Variants in CGNL1 observed in about 807,000 individuals in gnomAD.
CGNL1 encodes the protein cingulin-like protein 1.
A neutral mutation model predicts 141.2 loss-of-function variants in CGNL1; 132 were observed. That is an observed-to-expected ratio of 0.93 (90% confidence interval 0.81 to 1.08). CGNL1 has a LOEUF of 1.08. Ranked by LOEUF, CGNL1 falls within the 50% of genes least tolerant of loss-of-function variation. The pLI is 0.00. For missense variants in CGNL1, 1,870 were observed against 1,588.6 expected (o/e 1.18, Z -3.01); for synonymous variants, 690 against 622.1 (o/e 1.11, Z -1.63).
At chr15:57,524,893 T>C in intron 12 of CGNL1, 142 bp downstream of exon 12, 1 of 829,770 alleles carries the variant, frequency 1.2e-6, no homozygotes, top group South Asian at 1.8e-5. Context: ...TCTGGATGGG[T>C]TCCGTGGGCA....
At chr15:57,442,624 T>C (rs954969380) in intron 4 of CGNL1, 146 bp downstream of exon 4, 1 of 538,404 alleles carries the variant, frequency 1.9e-6, no homozygotes, top group Admixed American at 3.2e-5. Flanking sequence ...TTTTACATGT[T>C]GCAGCAACAT....
intron 1 of CGNL1, among the ~76,000 whole-genome samples, chr15:57,394,452 A>G (rs539871994): frequency 6.6e-6 from 1 of 152,234 alleles, no homozygotes; most frequent in African/African-American, 2.4e-5. Context: ...AACGCTATTG[A>G]TTCCATTTTT....
intron 1 of CGNL1, among the ~76,000 whole-genome samples, chr15:57,409,037 T>TCACACACACACACACACACACACACA (rs59988268): frequency 7.1e-6 from 1 of 141,736 alleles, no homozygotes; most frequent in Non-Finnish European, 1.5e-5. Flanking sequence ...TGAGACTCTG[T>TCACACACACACACACACACACACACA]CACACACACA....
Position 57,417,326 on chromosome 15 carries a change from T to C in CGNL1, c.-15-20659T>C, listed in dbSNP as rs527629183. Reference sequence around the variant, plus strand: ...TTAGCTCACTGCAGCCTCCATCTCCTGGGTTCAAGCAATTCTCATGCCTCA... The same window carrying C: ...TTAGCTCACTGCAGCCTCCATCTCCCGGGTTCAAGCAATTCTCATGCCTCA... On this transcript the variant is annotated intron_variant, in intron 1 of 18. Transcript: ENST00000281282. Among the ~76,000 whole-genome samples, 6 of 152,322 alleles carry C rather than the reference T, an allele frequency of 3.9e-5. No homozygotes were observed. In the South Asian group the frequency reaches 1.2e-3, roughly 32 times the overall value.
intron 4 of CGNL1, among the ~76,000 whole-genome samples, chr15:57,446,486 C>A (rs2063253482): frequency 1.3e-5 from 2 of 151,936 alleles, no homozygotes; most frequent in African/African-American, 4.8e-5. Flanking sequence ...AATAAGTATT[C>A]TCGTGTGTCC....
At chr15:57,460,705 G>A (rs1024943210) in intron 7 of CGNL1, among the ~76,000 whole-genome samples, 54 of 152,128 alleles carry the variant, frequency 3.5e-4, no homozygotes, top group African/African-American at 1.3e-3. Flanking sequence ...AGAGCAACAT[G>A]GGGAAAACTA....
In CGNL1 at chr15:57,547,425, A is replaced by G; in HGVS notation, c.3844A>G (p.Ser1282Gly). 6.2e-7 allele frequency: 1 copy of G among 1,614,190 alleles called. No individual in the cohort carries two copies. ...CGATGACCTCAGCACGGATGGGGGAAGCCTCTATGAGGCGCCTGTGAGCTA... is the reference window on the plus strand; with the variant it reads ...CGATGACCTCAGCACGGATGGGGGAGGCCTCTATGAGGCGCCTGTGAGCTA... ...DDDDLSTDGG[S>G]LYEAPVSYTF... is the part of the protein sequence containing the mutation. Residue 1282 changes from serine (S) to glycine (G), a missense_variant, in exon 19 of 19, where the codon AGC (serine) becomes GGC (glycine). Physicochemically the swap from Ser to Gly is moderately conservative, Grantham distance 56. Coordinates refer to ENST00000281282, the MANE Select transcript of CGNL1 (RefSeq NM_032866.5).
At chr15:57,435,287 G>A (rs1000007593) in intron 1 of CGNL1, among the ~76,000 whole-genome samples, 1 of 152,028 alleles carries the variant, frequency 6.6e-6, no homozygotes, top group Non-Finnish European at 1.5e-5. Flanking sequence ...CCAAGTGAGA[G>A]ACTTGTATGT....
chr15:57,427,443 G>A (rs2062988013), intron 1 of CGNL1, among the ~76,000 whole-genome samples: 1 of 152,170 alleles, frequency 6.6e-6, no homozygotes, highest in Non-Finnish European at 1.5e-5. Context: ...ATGAGACTGG[G>A]TTGGTTTGTG....
At chr15:57,415,209 C>T (rs2062835700) in intron 1 of CGNL1, among the ~76,000 whole-genome samples, 1 of 152,192 alleles carries the variant, frequency 6.6e-6, no homozygotes, top group South Asian at 2.1e-4. Flanking sequence ...AGTGTCTCTC[C>T]AAAGATGCCC....
intron 1 of CGNL1, among the ~76,000 whole-genome samples, chr15:57,384,402 G>A (rs2062459908): frequency 6.6e-6 from 1 of 152,132 alleles, no homozygotes; most frequent in African/African-American, 2.4e-5. Flanking sequence ...CATTTTACAG[G>A]CGATAGAAAC....
In CGNL1 at chr15:57,544,498, T is replaced by C. The variant is rs145843105; in HGVS notation, c.3401T>C (p.Ile1134Thr). The change falls in exon 16 of 19, where the codon ATC (isoleucine) becomes ACC (threonine). Residue 1134 changes from isoleucine (I) to threonine (T), a missense_variant. By Grantham distance (89) the Ile-to-Thr change is moderately conservative. Transcript: ENST00000281282. ...RQNKDLKSRI[I>T]HLEGSYRSSK... is the part of the protein sequence containing the mutation. ...AACAAGGACTTAAAGAGCCGGATTA[T>C]CCACCTGGAAGGTTCCTACAGGTCC... is the stretch of plus-strand genomic sequence containing the variant. 175 of 1,613,998 alleles carry C rather than the reference T, an allele frequency of 1.1e-4. No individual in the cohort carries two copies. The African/African-American group carries it at 1.9e-3, about 18-fold the overall frequency.
At position 57,547,820 on chromosome 15, in the gene CGNL1, C is replaced by G. The variant is rs2032948552; in HGVS notation, c.*330C>G. On this transcript the variant is annotated 3_prime_UTR_variant, in exon 19 of 19. Coordinates refer to ENST00000281282, the MANE Select transcript of CGNL1 (RefSeq NM_032866.5). ...CCCTGCCCCCTCATCACTCCCCCTG[C>G]CAAGACAAAGGGTCCAGAAGGCTAG... 1 of 275,286 alleles carries G rather than the reference C, an allele frequency of 3.6e-6. No homozygotes were observed. The highest frequency in any genetic ancestry group is 5.2e-5 in the Admixed American group (1 of 19,058). 17.1% of individuals were successfully genotyped at this position (275,286 alleles called of 1,614,324 possible).
chr15:57,433,061 A>G (rs907465), intron 1 of CGNL1, among the ~76,000 whole-genome samples: 82,235 of 150,968 alleles, frequency 0.54, 23,556 homozygotes, highest in Non-Finnish European at 0.65. Context: ...TTTTCTTACA[A>G]CACTTATTGG....
chr15:57,471,212 A>G (rs984989864), intron 8 of CGNL1, among the ~76,000 whole-genome samples: 7 of 152,224 alleles, frequency 4.6e-5, no homozygotes, highest in Admixed American at 1.3e-4. Context: ...CCTGGCTAGG[A>G]TGACAGAATA....
intron 1 of CGNL1, among the ~76,000 whole-genome samples, chr15:57,391,615 A>G (rs1664451): frequency 0.55 from 83,948 of 152,104 alleles, 23,416 homozygotes; most frequent in East Asian, 0.63. Flanking sequence ...GGTTTACATA[A>G]GAATAAAAAC....
At chr15:57,383,321 AGTTGCCCAGCCTT>A (rs1429648700) in intron 1 of CGNL1, among the ~76,000 whole-genome samples, 1 of 76,944 alleles carries the variant, frequency 1.3e-5, no homozygotes, top group Non-Finnish European at 2.4e-5. Flanking sequence ...TTTGATACAG[AGTTGCCCAGCCTT>A]GTTGCCCAGG....
At chr15:57,536,318 A>G (rs1908187) in intron 14 of CGNL1, among the ~76,000 whole-genome samples, 55,240 of 152,092 alleles carry the variant, frequency 0.36, 10,560 homozygotes, top group Middle Eastern at 0.46. Flanking sequence ...GTGAGGACAC[A>G]GCCAAACCAT....
intron 1 of CGNL1, among the ~76,000 whole-genome samples, chr15:57,429,290 G>A (rs1270308673): frequency 6.6e-6 from 1 of 152,090 alleles, no homozygotes; most frequent in Admixed American, 6.6e-5. Context: ...TTATTTCTTG[G>A]ACATTTTGGC....
Sources: allele counts gnomAD v4.1 joint callset (sites outside exome capture counted in the v4.1 genomes callset), GRCh38; gene constraint gnomAD v4.1.1; transcripts MANE v1.5; gene names NCBI Gene and HGNC (gene_info 2026-07-23, HGNC 2026-07-21).